Variants in MAP3K7CL observed in about 807,000 individuals in gnomAD.
MAP3K7CL encodes the protein MAP3K7 C-terminal like, also known as MAP3K7 C-terminal-like protein.
In MAP3K7CL, 16 loss-of-function variants were observed where a neutral mutation model predicts 18.6. The ratio of observed to expected loss-of-function variants is 0.86; its 90% CI spans 0.58 to 1.31. MAP3K7CL has a LOEUF of 1.31. Among genes scored for constraint, MAP3K7CL ranks in the 50% most tolerant of loss-of-function variants. The pLI is 0.00. For synonymous variants in MAP3K7CL, 65 were observed against 66.8 expected (o/e 0.97, Z 0.13); for missense variants, 163 against 174.4 (o/e 0.93, Z 0.37).
chr21:29,092,698 GC>G lies in MAP3K7CL; in HGVS notation c.370+118del. The G allele has an allele frequency of 2.6e-6, 3 of 1,141,668 alleles. No homozygotes were observed. In the East Asian group the frequency reaches 7.4e-5, roughly 28 times the overall value. The allele number at this position is 1,141,668 out of a possible 1,614,324, so 70.7% of individuals were successfully genotyped here. A position where few individuals can be genotyped will look rare whatever the true frequency, so the allele number is the denominator to read the frequency against. ...TCATTCTGCAGGGATCTGGGTCAGAGCAGGACAATGGCTCTACGACGTGCTG... is the reference window on the plus strand; with the variant it reads ...TCATTCTGCAGGGATCTGGGTCAGAGAGGACAATGGCTCTACGACGTGCTG... On this transcript the variant is annotated intron_variant, in intron 4 of 6. Transcript: ENST00000286791.
At chr21:29,139,232 C>G (rs1362020943) in intron 2 of MAP3K7CL, 1 of 152,134 alleles carries the variant, frequency 6.6e-6, no homozygotes, top group African/African-American at 2.4e-5. Context: ...AAAACTGGCT[C>G]TCAGCAAAAT....
chr21:29,172,696 G>C (rs2087870403), intron 4 of MAP3K7CL, among the ~76,000 whole-genome samples: 1 of 152,092 alleles, frequency 6.6e-6, no homozygotes, highest in African/African-American at 2.4e-5. Context: ...CGTAGAAGTA[G>C]TTTGGGTTTG....
At chr21:29,151,934 T>C (rs550593970) in intron 3 of MAP3K7CL, among the ~76,000 whole-genome samples, 18 of 152,382 alleles carry the variant, frequency 1.2e-4, no homozygotes, top group East Asian at 7.7e-4. Flanking sequence ...TTCATCTTCA[T>C]TGATCTTTAA....
Position 29,118,708 on chromosome 21 carries a change from T to C in MAP3K7CL, c.370+26127T>C, listed in dbSNP as rs139733140. On this transcript the variant is annotated intron_variant, in intron 4 of 6. Coordinates refer to the MAP3K7CL transcript ENST00000286791. ...AGAGAAGTTCGGTGTGACCCCACTG[T>C]AGGGAAGGTGGGAGCATGAGATGAG... Among the ~76,000 whole-genome samples the C allele has an allele frequency of 7.2e-5, 11 of 152,292 alleles. 1 individual carries two copies. The East Asian group carries it at 2.1e-3, about 29-fold the overall frequency.
intron 4 of MAP3K7CL, among the ~76,000 whole-genome samples, chr21:29,101,521 G>A (rs1256317371): frequency 1.3e-5 from 2 of 152,164 alleles, no homozygotes; most frequent in East Asian, 3.9e-4. Flanking sequence ...CCATTCTCCT[G>A]CCTCGGCCTC....
At chr21:29,106,539 C>T (rs930031276) in intron 4 of MAP3K7CL, among the ~76,000 whole-genome samples, 2 of 152,164 alleles carry the variant, frequency 1.3e-5, no homozygotes, top group African/African-American at 4.8e-5. Flanking sequence ...TATCCCCATC[C>T]ACTTCTCTCA....
intron 4 of MAP3K7CL, among the ~76,000 whole-genome samples, chr21:29,113,243 A>G (rs1441950698): frequency 6.6e-6 from 1 of 152,054 alleles, no homozygotes; most frequent in Non-Finnish European, 1.5e-5. Flanking sequence ...TCCATCGTGT[A>G]TATTTTTGCT....
At chr21:29,117,283 G>C (rs569043112) in intron 4 of MAP3K7CL, among the ~76,000 whole-genome samples, 9 of 152,242 alleles carry the variant, frequency 5.9e-5, no homozygotes, top group Admixed American at 1.3e-4. Context: ...CATTTAGCTG[G>C]AGCGGTGATG....
upstream of MAP3K7CL, among the ~76,000 whole-genome samples, chr21:29,129,659 A>G (rs1287619438): frequency 6.6e-6 from 1 of 152,230 alleles, no homozygotes; most frequent in African/African-American, 2.4e-5. Context: ...TTTTGGGGAA[A>G]TAACAAGAAG....
intron 4 of MAP3K7CL, among the ~76,000 whole-genome samples, chr21:29,100,944 C>T (rs1310746158): frequency 6.6e-6 from 1 of 151,256 alleles, no homozygotes; most frequent in South Asian, 2.1e-4. Context: ...GATCTCCTGA[C>T]CTCGTGATCC....
chr21:29,086,026 C>G (rs2085919742), intron 1 of MAP3K7CL: 1 of 1,232,690 alleles, frequency 8.1e-7, no homozygotes, highest in African/African-American at 1.5e-5. Flanking sequence ...AGAAATGGAC[C>G]TTGGAAGTCT....
chr21:29,150,661 C>G (rs1466900633), intron 3 of MAP3K7CL, among the ~76,000 whole-genome samples: 1 of 152,086 alleles, frequency 6.6e-6, no homozygotes, highest in Non-Finnish European at 1.5e-5. Context: ...CTCAACCCAG[C>G]TCTCCTGGCT....
chr21:29,104,537 G>A (rs1024649373), intron 4 of MAP3K7CL, among the ~76,000 whole-genome samples: 2 of 152,172 alleles, frequency 1.3e-5, no homozygotes, highest in Non-Finnish European at 2.9e-5. Context: ...CCAGCCTTAC[G>A]CACATGCTGT....
intron 2 of MAP3K7CL, among the ~76,000 whole-genome samples, chr21:29,147,436 G>A (rs2087157337): frequency 6.6e-6 from 1 of 151,724 alleles, no homozygotes; most frequent in African/African-American, 2.4e-5. Context: ...TACTGCATAT[G>A]TATCTGTATT....
At chr21:29,164,744 T>C (rs1362205410) in intron 4 of MAP3K7CL, among the ~76,000 whole-genome samples, 7 of 152,238 alleles carry the variant, frequency 4.6e-5, no homozygotes, top group Non-Finnish European at 8.8e-5. Context: ...GTTATATTTT[T>C]ACTGATTTTT....
chr21:29,173,128 G>C (rs1440204775), intron 4 of MAP3K7CL, among the ~76,000 whole-genome samples: 2 of 152,270 alleles, frequency 1.3e-5, no homozygotes, highest in Admixed American at 6.5e-5. Context: ...GAACACAACT[G>C]TAAAACATCA....
At chr21:29,151,812 A>AT (rs1824514965) in intron 3 of MAP3K7CL, among the ~76,000 whole-genome samples, 1 of 152,234 alleles carries the variant, frequency 6.6e-6, no homozygotes, top group African/African-American at 2.4e-5. Flanking sequence ...AATTATCCAG[A>AT]TAATTTTTCT....
chr21:29,124,959 A>G (rs1277344866), intron 4 of MAP3K7CL, among the ~76,000 whole-genome samples: 3 of 152,178 alleles, frequency 2.0e-5, no homozygotes, highest in Admixed American at 2.0e-4. Flanking sequence ...CCTCTACAAA[A>G]AAAGTTTGTC....
intron 4 of MAP3K7CL, chr21:29,102,430 A>G (rs1028508370): frequency 6.6e-5 from 10 of 150,748 alleles, no homozygotes; most frequent in Admixed American, 5.9e-4. Context: ...TAGATCACAC[A>G]TTTGGCCAAG....
Sources: allele counts gnomAD v4.1 joint callset (sites outside exome capture counted in the v4.1 genomes callset), GRCh38; gene constraint gnomAD v4.1.1; transcripts MANE v1.5; gene names NCBI Gene and HGNC (gene_info 2026-07-23, HGNC 2026-07-21).